Variants in CCND2 observed in about 807,000 individuals in gnomAD.
CCND2 encodes G1/S-specific cyclin-D2.
A neutral mutation model predicts 30.2 loss-of-function variants in CCND2; 6 were observed. The observed-to-expected ratio is 0.20, with a 90% CI of 0.11 to 0.39. The LOEUF (loss-of-function observed/expected upper bound fraction) is 0.39, where lower values mean the gene tolerates loss of function less well. Ranked by LOEUF, CCND2 falls within the 10% of genes least tolerant of loss-of-function variation. The probability of loss-of-function intolerance (pLI) is 1.00; values close to 1 mark genes in which losing one functional copy is unlikely to be tolerated. For synonymous variants in CCND2, 150 were observed against 153.1 expected (o/e 0.98, Z 0.15); for missense variants, 235 against 373.4 (o/e 0.63, Z 3.06).
intron 4 of CCND2, among the ~76,000 whole-genome samples, chr12:4,290,980 A>G (rs1864093384): frequency 6.6e-6 from 1 of 152,136 alleles, no homozygotes; most frequent in African/African-American, 2.4e-5. Context: ...CGTGTTTCCT[A>G]ACTGGGGCTG....
intron 4 of CCND2, among the ~76,000 whole-genome samples, chr12:4,297,539 C>A (rs1157595802): frequency 7.0e-6 from 1 of 142,206 alleles, no homozygotes; most frequent in Admixed American, 7.3e-5. Flanking sequence ...CCATTGCACT[C>A]CAGCCTGGGC....
chr12:4,300,306 T>C lies in CCND2; in HGVS notation c.*297T>C. On this transcript the variant is annotated 3_prime_UTR_variant, in exon 5 of 5. Transcript: ENST00000261254. ...AATGCTTACAGGAAAACCTGCAGAGTAGTTAGAGAATATGTATGCCTGCAA... is the reference window on the plus strand; with the variant it reads ...AATGCTTACAGGAAAACCTGCAGAGCAGTTAGAGAATATGTATGCCTGCAA... The C allele has an allele frequency of 3.1e-6, 1 of 327,566 alleles. No individual in the cohort carries two copies. The allele number at this position is 327,566 out of a possible 1,614,324, so 20.3% of individuals were successfully genotyped here.
Position 4,282,850 on chromosome 12 carries a change from G to A in CCND2, c.571+3931G>A, listed in dbSNP as rs1863968162. ...TCCTCTTATGGGGGTGGCAGATGAG[G>A]TGCGTGCCCAGTGACGTCCCTGGCC... On this transcript the variant is annotated intron_variant, in intron 3 of 4. Coordinates refer to ENST00000261254, the MANE Select transcript of CCND2 (RefSeq NM_001759.4). The surrounding 1 kb of genome is among the most constrained non-coding windows in gnomAD (Gnocchi z 4.3). 6.6e-6 allele frequency among the ~76,000 whole-genome samples: 1 copy of A among 152,242 alleles called. No individual in the cohort carries two copies. The highest frequency in any genetic ancestry group is 2.1e-4 in the South Asian group (1 of 4,834).
At position 4,280,095 on chromosome 12, in the gene CCND2, A is replaced by C. The variant is rs553667340; in HGVS notation, c.571+1176A>C. On this transcript the variant is annotated intron_variant, in intron 3 of 4. Transcript: ENST00000261254. ...TCTGAACCCGAGCTTCTTCATCTCC[A>C]AAACAAGCCTATTGATACATCATCC... Among the ~76,000 whole-genome samples the C allele has an allele frequency of 9.0e-5, 13 of 144,588 alleles. No homozygotes were observed. In the South Asian group the frequency reaches 3.0e-3, roughly 34 times the overall value. 94.9% of individuals were successfully genotyped at this position (144,588 alleles called of 152,430 possible).
At position 4,305,075 on chromosome 12, in the gene CCND2, A is replaced by T; in HGVS notation, c.*5066A>T. On this transcript the variant is annotated 3_prime_UTR_variant, in exon 5 of 5. Transcript: ENST00000261254. This position sits in a 1 kb window ranked among gnomAD's most constrained non-coding sequence, Gnocchi z 6.4. ...ATTCTCTCACAGTGTACTCTATAAG[A>T]GGTGTGGGTGTCTGTTTGGTCAGGA... 1 of 232,534 alleles carries T rather than the reference A, an allele frequency of 4.3e-6. No individual in the cohort carries two copies. The highest frequency in any genetic ancestry group is 8.5e-6 in the Non-Finnish European group (1 of 117,894). The allele number at this position is 232,534 out of a possible 1,614,324, so 14.4% of individuals were successfully genotyped here. A position where few individuals can be genotyped will look rare whatever the true frequency, so the allele number is the denominator to read the frequency against.
At chr12:4,277,778 G>C (rs1484493355) in intron 2 of CCND2, among the ~76,000 whole-genome samples, 1 of 152,258 alleles carries the variant, frequency 6.6e-6, no homozygotes, top group Non-Finnish European at 1.5e-5. Flanking sequence ...TTCTCCAGGT[G>C]AATGGGAGAG....
rs567806749 is a variant in CCND2, at chr12:4,285,879, G to A, written c.572-2963G>A. On this transcript the variant is annotated intron_variant, in intron 3 of 4. Coordinates refer to ENST00000261254, the MANE Select transcript of CCND2 (RefSeq NM_001759.4). The surrounding 1 kb of genome is among the most constrained non-coding windows in gnomAD (Gnocchi z 4.1). ...CCTGGGGCAGCCCTGGTGCCACGGG[G>A]AAGTAGCGCCGCTCTGTGGAGAGGG... 1.4e-4 allele frequency among the ~76,000 whole-genome samples: 21 copies of A among 152,346 alleles called. No homozygotes were observed. The South Asian group carries it at 2.9e-3, about 21-fold the overall frequency.
At chr12:4,297,570 C>CAAAAAAAAA in intron 4 of CCND2, among the ~76,000 whole-genome samples, 1 of 74,786 alleles carries the variant, frequency 1.3e-5, no homozygotes, top group Non-Finnish European at 2.4e-5. Context: ...CACTCTGTCT[C>CAAAAAAAAA]AAAAAAAAAA....
At chr12:4,291,207 C>CTGTGTGTGTGTGTGTGTGTGTGTG (rs1320194012) in intron 4 of CCND2, among the ~76,000 whole-genome samples, 11,691 of 138,588 alleles carry the variant, frequency 0.084, 741 homozygotes, top group East Asian at 0.24. Context: ...CTGGGCTAGG[C>CTGTGTGTGTGTGTGTGTGTGTGTG]TGTGTGTGTG....
intron 4 of CCND2, among the ~76,000 whole-genome samples, chr12:4,289,929 GA>G (rs930777673): frequency 4.6e-5 from 7 of 151,896 alleles, no homozygotes; most frequent in African/African-American, 1.2e-4. Context: ...CTTTTGGTTT[GA>G]AAAAAAACCC....
chr12:4,276,406 C>T lies in CCND2; in HGVS notation c.411+186C>T, dbSNP rs2120524280. ...ACCACTGTTTATTTTTTGTGTGTTC[C>T]TACTATGTGCCCAGGCTCCGTGCCC... On this transcript the variant is annotated intron_variant, in intron 2 of 4. Coordinates refer to ENST00000261254, the MANE Select transcript of CCND2 (RefSeq NM_001759.4). The surrounding 1 kb of genome is among the most constrained non-coding windows in gnomAD (Gnocchi z 4.8). 6.6e-6 allele frequency among the ~76,000 whole-genome samples: 1 copy of T among 152,284 alleles called. No individual in the cohort carries two copies. Among genetic ancestry groups the T allele is most frequent in the South Asian group, 2.1e-4 (1 of 4,830 alleles).
intron 4 of CCND2, among the ~76,000 whole-genome samples, chr12:4,292,341 GT>G (rs1864112432): frequency 6.6e-6 from 1 of 152,160 alleles, no homozygotes; most frequent in Admixed American, 6.5e-5. Context: ...AGAGCTGACA[GT>G]TTCCCCCAGA....
rs1221434101 is a variant in CCND2, at chr12:4,284,878, G to A, written c.572-3964G>A. On this transcript the variant is annotated intron_variant, in intron 3 of 4. Transcript: ENST00000261254. ...AGCCTCCAGAATAGCTGGGATTACA[G>A]GCGCGTGCCACCATGCCTGGCTAAT... is the stretch of plus-strand genomic sequence containing the variant. Among the ~76,000 whole-genome samples, 6 of 152,112 alleles carry A rather than the reference G, an allele frequency of 3.9e-5. No homozygotes were observed. The East Asian group carries it at 7.7e-4, about 20-fold the overall frequency.
At position 4,301,565 on chromosome 12, in the gene CCND2, C is replaced by T. The variant is rs1321408303; in HGVS notation, c.*1556C>T. 6 of 227,578 alleles carry T rather than the reference C, an allele frequency of 2.6e-5. No homozygotes were observed. The highest frequency in any genetic ancestry group is 1.2e-4 in the Admixed American group (2 of 17,160). The allele number at this position is 227,578 out of a possible 1,614,324, so 14.1% of individuals were successfully genotyped here. A position where few individuals can be genotyped will look rare whatever the true frequency, so the allele number is the denominator to read the frequency against. On this transcript the variant is annotated 3_prime_UTR_variant, in exon 5 of 5. Coordinates refer to ENST00000261254, the MANE Select transcript of CCND2 (RefSeq NM_001759.4). The stretch of plus-strand genomic sequence containing the variant: ...TTTAAGTAAAAAAGAAAAATCAGAA[C>T]AGGGCTATTTGAAGAATTATTTTAT...
chr12:4,282,425 C>T lies in CCND2; in HGVS notation c.571+3506C>T, dbSNP rs1272258202. On this transcript the variant is annotated intron_variant, in intron 3 of 4. Transcript: ENST00000261254. This position sits in a 1 kb window ranked among gnomAD's most constrained non-coding sequence, Gnocchi z 4.3. ...CTAGCCCCTTCCCTGGCTTTACCTA[C>T]AGGTGTTCCCTCAGATTCCATCGCC... 6.6e-6 allele frequency among the ~76,000 whole-genome samples: 1 copy of T among 152,218 alleles called. No homozygotes were observed. Among genetic ancestry groups the T allele is most frequent in the Non-Finnish European group, 1.5e-5 (1 of 68,030 alleles).
At position 4,300,122 on chromosome 12, in the gene CCND2, C is replaced by G. The variant is rs1202409472; in HGVS notation, c.*113C>G. On this transcript the variant is annotated 3_prime_UTR_variant, in exon 5 of 5. Coordinates refer to ENST00000261254, the MANE Select transcript of CCND2 (RefSeq NM_001759.4). ...TGAAACTTAAAAAAAAAATTCTGCC[C>G]CCACCTAGATCATATTTAAAGATCT... 1.9e-6 allele frequency: 2 copies of G among 1,052,608 alleles called. No homozygotes were observed. The highest frequency in any genetic ancestry group is 2.7e-6 in the Non-Finnish European group (2 of 753,046). 65.2% of individuals were successfully genotyped at this position (1,052,608 alleles called of 1,614,324 possible).
At chr12:4,296,113 A>C (rs1001483750) in intron 4 of CCND2, among the ~76,000 whole-genome samples, 13 of 152,220 alleles carry the variant, frequency 8.5e-5, no homozygotes, top group Non-Finnish European at 1.6e-4. Flanking sequence ...GGAACTCCAA[A>C]GGGAAGACGC....
Position 4,274,822 on chromosome 12 carries a change from A to G in CCND2, c.195+587A>G, listed in dbSNP as rs1030276077. Among the ~76,000 whole-genome samples the G allele has an allele frequency of 1.3e-5, 2 of 151,670 alleles. No homozygotes were observed. Among genetic ancestry groups the G allele is most frequent in the African/African-American group, 4.9e-5 (2 of 41,206 alleles). On this transcript the variant is annotated intron_variant, in intron 1 of 4. Coordinates refer to ENST00000261254, the MANE Select transcript of CCND2 (RefSeq NM_001759.4). The surrounding 1 kb of genome is among the most constrained non-coding windows in gnomAD (Gnocchi z 7.7). ...CCAAAAGAACCGCTTCTTGCCCCTC[A>G]CTCCAAGTCTTTGCCCAGCGAGCCG...
At chr12:4,291,926 A>C (rs549817036) in intron 4 of CCND2, among the ~76,000 whole-genome samples, 1 of 152,288 alleles carries the variant, frequency 6.6e-6, no homozygotes, top group African/African-American at 2.4e-5. Context: ...CAGAAAGTAG[A>C]ATAGAGGTTC....
Sources: gnomAD v4.1 joint callset for allele counts (sites outside exome capture counted in the v4.1 genomes callset) on GRCh38, gnomAD v4.1.1 for gene constraint, Gnocchi (gnomAD v3.1) non-coding constraint, MANE v1.5 for transcripts, NCBI Gene and HGNC (gene_info 2026-07-23, HGNC 2026-07-21) for gene names.